RAPGEF2: variants seen among roughly 807,000 people sequenced by gnomAD.
RAPGEF2 encodes the protein Rap guanine nucleotide exchange factor 2, also known as PDZ domain containing guanine nucleotide exchange factor (GEF) 1.
In RAPGEF2, 54 loss-of-function variants were observed where a neutral mutation model predicts 186.7. That is an observed-to-expected ratio of 0.29 (90% confidence interval 0.23 to 0.36). The LOEUF (loss-of-function observed/expected upper bound fraction) is 0.36, where lower values mean the gene tolerates loss of function less well. Ranked by LOEUF, RAPGEF2 falls within the 10% of genes least tolerant of loss-of-function variation. RAPGEF2 has a pLI of 1.00. For synonymous variants in RAPGEF2, 712 were observed against 705.9 expected, an observed-to-expected ratio of 1.01 and a Z score of -0.14; for missense variants, 1,532 against 2,045.0, an observed-to-expected ratio of 0.75 and a Z score of 4.84.
intron 2 of RAPGEF2, 92 bp downstream of exon 2, chr4:159,186,804 C>A: frequency 2.9e-6 from 2 of 681,758 alleles, no homozygotes; most frequent in South Asian, 2.1e-5. Flanking sequence ...TTTATTCTTA[C>A]TTGACATAAT....
chr4:159,104,537 A>AGG lies in RAPGEF2; in HGVS notation c.69+307_69+308insGG, dbSNP rs1560964946. On this transcript the variant is annotated intron_variant, in intron 1 of 29. Coordinates refer to ENST00000691494, the MANE Select transcript of RAPGEF2 (RefSeq NM_001394067.2). The stretch of plus-strand genomic sequence containing the variant: ...GAGAGAGAGAGAGAGGGAGAGACAG[A>AGG]GAGAGAGAGAGAGAGAGTGTGTGTG... Among the ~76,000 whole-genome samples, 115 of 105,612 alleles carry AGG rather than the reference A, an allele frequency of 1.1e-3. 1 individual carries two copies. The highest frequency in any genetic ancestry group is 5.0e-3 in the African/African-American group (107 of 21,272). The allele number at this position is 105,612 out of a possible 152,430, so 69.3% of individuals were successfully genotyped here. A position where few individuals can be genotyped will look rare whatever the true frequency, so the allele number is the denominator to read the frequency against.
At chr4:159,279,823 T>C (rs1188445451) in intron 7 of RAPGEF2, among the ~76,000 whole-genome samples, 1 of 151,878 alleles carries the variant, frequency 6.6e-6, no homozygotes, top group Non-Finnish European at 1.5e-5. Context: ...GGACTACAGG[T>C]GCGTATCACC....
chr4:159,355,705 T>G, intron 28 of RAPGEF2, 148 bp from the exon 29 acceptor site: 3 of 716,780 alleles, frequency 4.2e-6, no homozygotes, highest in Non-Finnish European at 6.8e-6. Context: ...TTCCCTGGCC[T>G]GCCTCACACC....
rs182011609 is a variant in RAPGEF2, at chr4:159,243,183, T to C, written c.526-591T>C. On this transcript the variant is annotated intron_variant, in intron 6 of 29. Coordinates refer to ENST00000691494, the MANE Select transcript of RAPGEF2 (RefSeq NM_001394067.2). ...GCAGATACTTTTAGGGAAAATTCAA[T>C]AGTAGGATGAAAAAATTGGCTTGAT... Among the ~76,000 whole-genome samples the C allele has an allele frequency of 2.4e-4, 36 of 151,910 alleles. 1 individual carries two copies. In the East Asian group the frequency reaches 5.6e-3, roughly 24 times the overall value.
At chr4:159,182,082 ATTTTG>A (rs1007859686) in intron 1 of RAPGEF2, among the ~76,000 whole-genome samples, 5 of 152,262 alleles carry the variant, frequency 3.3e-5, no homozygotes, top group African/African-American at 1.2e-4. Flanking sequence ...AGGGGAAACA[ATTTTG>A]TTTTAATTTT....
chr4:159,215,953 G>C (rs1750958519), intron 4 of RAPGEF2, among the ~76,000 whole-genome samples: 2 of 152,180 alleles, frequency 1.3e-5, no homozygotes, highest in African/African-American at 4.8e-5. Flanking sequence ...TTGGGCATCA[G>C]ACTTAGTAGG....
At chr4:159,200,046 ATCTC>A (rs141283472) in intron 3 of RAPGEF2, among the ~76,000 whole-genome samples, 2 of 151,370 alleles carry the variant, frequency 1.3e-5, no homozygotes, top group South Asian at 4.2e-4. Context: ...ATTTGATGTA[ATCTC>A]TCTCTCTCTC....
chr4:159,356,869 C>T (rs1443466996), intron 29 of RAPGEF2, among the ~76,000 whole-genome samples: 1 of 151,998 alleles, frequency 6.6e-6, no homozygotes, highest in Middle Eastern at 3.2e-3. Context: ...TCACTGCACT[C>T]CAGCCTGGGT....
At chr4:159,200,718 A>G (rs546216305) in intron 3 of RAPGEF2, among the ~76,000 whole-genome samples, 56 of 152,194 alleles carry the variant, frequency 3.7e-4, no homozygotes, top group African/African-American at 8.4e-4. Flanking sequence ...ATGAATTGCT[A>G]TTGTTTGGAA....
chr4:159,122,470 CTT>C (rs560741542), intron 1 of RAPGEF2, among the ~76,000 whole-genome samples: 140 of 151,380 alleles, frequency 9.2e-4, no homozygotes, highest in African/African-American at 3.0e-3. Context: ...CAGAGCAAGA[CTT>C]TGTCTCAAAA....
intron 4 of RAPGEF2, among the ~76,000 whole-genome samples, chr4:159,220,435 T>G (rs754919110): frequency 6.6e-6 from 1 of 151,926 alleles, no homozygotes; most frequent in African/African-American, 2.4e-5. Flanking sequence ...TTTATAAACT[T>G]AGGATGAGAG....
Position 159,214,889 on chromosome 4 carries a change from G to T in RAPGEF2, c.281+4306G>T, listed in dbSNP as rs567044482. Among the ~76,000 whole-genome samples, 57 of 152,308 alleles carry T rather than the reference G, an allele frequency of 3.7e-4. 1 individual carries two copies. The highest frequency in any genetic ancestry group is 7.5e-4 in the Non-Finnish European group (51 of 68,018). ...TATTTTGTGGGGAGGGAGTTGTGGAGTCTTACTCTGTTGTCCAGGCTGGAG... is the reference window on the plus strand; with the variant it reads ...TATTTTGTGGGGAGGGAGTTGTGGATTCTTACTCTGTTGTCCAGGCTGGAG... On this transcript the variant is annotated intron_variant, in intron 4 of 29. Transcript: ENST00000691494.
chr4:159,353,358 T>C lies in RAPGEF2; in HGVS notation c.4092-129T>C. 1 of 674,986 alleles carries C rather than the reference T, an allele frequency of 1.5e-6. No homozygotes were observed. 41.8% of individuals were successfully genotyped at this position (674,986 alleles called of 1,614,324 possible). On this transcript the variant is annotated intron_variant, in intron 27 of 29. Transcript: ENST00000691494. This position sits in a 1 kb window ranked among gnomAD's most constrained non-coding sequence, Gnocchi z 4.3. ...TGGCCAATATAAGGCAATTCAGTGC[T>C]ACTTTTATCCTGTTTCTGGGATGAA...
At chr4:159,168,624 G>A (rs1745581445) in intron 1 of RAPGEF2, among the ~76,000 whole-genome samples, 3 of 152,186 alleles carry the variant, frequency 2.0e-5, no homozygotes, top group Middle Eastern at 3.4e-3. Flanking sequence ...TTATTGAACT[G>A]TCATAAATTT....
At chr4:159,357,000 G>A (rs557585774) in intron 29 of RAPGEF2, among the ~76,000 whole-genome samples, 2 of 152,318 alleles carry the variant, frequency 1.3e-5, no homozygotes, top group East Asian at 3.9e-4. Context: ...AAAGTTTTCT[G>A]TGGAAACATT....
At position 159,353,720 on chromosome 4, in the gene RAPGEF2, A is replaced by T; in HGVS notation, c.4325A>T (p.Tyr1442Phe). 6.2e-7 allele frequency: 1 copy of T among 1,607,720 alleles called. No individual in the cohort carries two copies. Among genetic ancestry groups the T allele is most frequent in the Non-Finnish European group, 8.5e-7 (1 of 1,177,088 alleles). ...CCATTCGGGCATACTCACTTTGATTATTCAGGGGATCCTGCAGGTTTATGG... is the reference window on the plus strand; with the variant it reads ...CCATTCGGGCATACTCACTTTGATTTTTCAGGGGATCCTGCAGGTTTATGG... The part of the protein sequence containing the change: ...TLPFGHTHFD[Y>F]SGDPAGLWAS... Residue 1442 changes from tyrosine (Y) to phenylalanine (F), a missense_variant, in exon 28 of 30, where the codon TAT (tyrosine) becomes TTT (phenylalanine). Physicochemically the swap from Tyr to Phe is conservative, Grantham distance 22. Coordinates refer to ENST00000691494, the MANE Select transcript of RAPGEF2 (RefSeq NM_001394067.2). This position sits in a 1 kb window ranked among gnomAD's most constrained non-coding sequence, Gnocchi z 4.3.
At chr4:159,301,175 C>T (rs556558873) in intron 7 of RAPGEF2, among the ~76,000 whole-genome samples, 1 of 152,050 alleles carries the variant, frequency 6.6e-6, no homozygotes, top group African/African-American at 2.4e-5. Flanking sequence ...CAGTTTGAGA[C>T]CAGCTTGGCC....
chr4:159,254,792 G>C (rs1196221260), intron 7 of RAPGEF2, among the ~76,000 whole-genome samples: 2 of 151,860 alleles, frequency 1.3e-5, no homozygotes, highest in African/African-American at 2.4e-5. Context: ...GTAGAAACAG[G>C]GTTTGACCAT....
intron 8 of RAPGEF2, among the ~76,000 whole-genome samples, chr4:159,312,214 A>T (rs1484563205): frequency 1.3e-5 from 2 of 152,204 alleles, no homozygotes; most frequent in South Asian, 4.1e-4. Context: ...AAATATTTTT[A>T]AAATTTCTGT....
Sources: allele counts gnomAD v4.1 joint callset (sites outside exome capture counted in the v4.1 genomes callset), GRCh38; gene constraint gnomAD v4.1.1; non-coding constraint Gnocchi (gnomAD v3.1); transcripts MANE v1.5; gene names NCBI Gene and HGNC (gene_info 2026-07-23, HGNC 2026-07-21).